Variants in DDX11 observed in about 807,000 individuals in gnomAD.
DDX11 encodes the protein DEAD/H-box helicase 11.
Under a neutral mutation model 125.2 loss-of-function variants are expected in DDX11, and 72 were observed. The ratio of observed to expected loss-of-function variants is 0.58; its 90% CI spans 0.48 to 0.70. The LOEUF is 0.70. Among genes scored for constraint, DDX11 ranks in the 30% least tolerant of loss-of-function variants. DDX11 has a pLI of 0.00. For synonymous variants in DDX11, 347 were observed against 452.6 expected (o/e 0.77, Z 2.96); for missense variants, 883 against 1,165.0 (o/e 0.76, Z 3.52).
chr12:31,099,832 T>A (rs1233748421), intron 18 of DDX11, among the ~76,000 whole-genome samples: 1 of 151,970 alleles, frequency 6.6e-6, no homozygotes, highest in Non-Finnish European at 1.5e-5. Context: ...CTCATCCCTT[T>A]CCAGCCCATT....
rs561751895 is a variant in DDX11 at position 31,101,630 on chromosome 12, A to G, written c.2053-203A>G. On this transcript the variant is annotated intron_variant, in intron 20 of 26. Coordinates refer to ENST00000542838, the MANE Select transcript of DDX11 (RefSeq NM_030653.4). Reference sequence around the variant, plus strand: ...TGACATGTGTCAGAAAGGCGCAGTCAGCAGCAGCGGCTGGGTGTGTTTGGT... The same window carrying G: ...TGACATGTGTCAGAAAGGCGCAGTCGGCAGCAGCGGCTGGGTGTGTTTGGT... 121 of 640,152 alleles carry G rather than the reference A, an allele frequency of 1.9e-4. No homozygotes were observed. The East Asian group carries it at 2.6e-3, about 14-fold the overall frequency. 39.7% of individuals were successfully genotyped at this position (640,152 alleles called of 1,614,324 possible).
At chr12:31,095,360 C>T (rs984178152) in intron 14 of DDX11, among the ~76,000 whole-genome samples, 6 of 152,206 alleles carry the variant, frequency 3.9e-5, no homozygotes, top group Admixed American at 6.5e-5. Flanking sequence ...GTGCTCTGAG[C>T]TAGGATATCC....
rs1014687004 is a variant in DDX11, at chr12:31,100,713, A to G, written c.1948+6A>G. The G allele has an allele frequency of 1.3e-6, 2 of 1,551,490 alleles. No homozygotes were observed. Among genetic ancestry groups the G allele is most frequent in the Non-Finnish European group, 1.7e-6 (2 of 1,146,864 alleles). ...CGTGGTGGAGTTTTCCTGTGGTGAG[A>G]AGCTGTGCCCAGGGTGGGGCAGGCT... On this transcript the variant is annotated splice_donor_region_variant and intron_variant, in intron 19 of 26. Transcript: ENST00000542838.
At position 31,096,840 on chromosome 12, in the gene DDX11, C is replaced by A; in HGVS notation, c.1631-19C>A. ...GACCTGACCAGAGGGAGGCCTCCTC[C>A]CCGTTCTGCTCTGTGCAGCTCTTGC... On this transcript the variant is annotated intron_variant, in intron 16 of 26. Coordinates refer to ENST00000542838, the MANE Select transcript of DDX11 (RefSeq NM_030653.4). The A allele has an allele frequency of 3.1e-6, 5 of 1,614,198 alleles. No homozygotes were observed. The highest frequency in any genetic ancestry group is 3.4e-6 in the Non-Finnish European group (4 of 1,180,036).
intron 17 of DDX11, 92 bp downstream of exon 17, chr12:31,097,082 C>T: frequency 1.9e-6 from 3 of 1,544,614 alleles, no homozygotes; most frequent in African/African-American, 1.4e-5. Context: ...TTCCTTCCAT[C>T]CTGGGAACTT....
intron 2 of DDX11, among the ~76,000 whole-genome samples, chr12:31,082,536 C>T (rs1942165960): frequency 6.6e-6 from 1 of 152,108 alleles, no homozygotes; most frequent in Admixed American, 6.6e-5. Flanking sequence ...AGGTGTTTCA[C>T]CCCGCCCTGG....
intron 16 of DDX11, 51 bp from the exon 17 acceptor site, chr12:31,096,808 A>G (rs780382531): frequency 1.2e-6 from 2 of 1,614,104 alleles, no homozygotes; most frequent in Admixed American, 1.7e-5. Context: ...TCTGTTCCTC[A>G]TGTGTGGACC....
rs1943767611 is a variant in DDX11, at chr12:31,089,417, TGAA to T, written c.810_812del (p.Glu270del). 1 of 1,613,874 alleles carries T rather than the reference TGAA, an allele frequency of 6.2e-7. No individual in the cohort carries two copies. Among genetic ancestry groups the T allele is most frequent in the South Asian group, 1.1e-5 (1 of 91,082 alleles). On this transcript the variant is annotated inframe_deletion, in exon 8 of 27. Transcript: ENST00000542838. ...CTTTGCTGCAGAACCTTTGTGTAAA[TGAA>T]GACGTGAAAAGCCTAGGTTCTGTGC...
intron 18 of DDX11, among the ~76,000 whole-genome samples, chr12:31,099,853 A>G (rs1349327919): frequency 6.6e-6 from 1 of 151,960 alleles, no homozygotes; most frequent in African/African-American, 2.4e-5. Context: ...CCCCACCCCC[A>G]TAGGGAATCC....
intron 14 of DDX11, 21 bp downstream of exon 14, chr12:31,094,843 A>G (rs776428185): frequency 3.1e-6 from 5 of 1,609,448 alleles, no homozygotes; most frequent in Non-Finnish European, 4.3e-6. Context: ...CCACCTTTCC[A>G]CATTCCACAT....
At chr12:31,091,451 G>A (rs554046027) in intron 9 of DDX11, 1 of 472,666 alleles carries the variant, frequency 2.1e-6, no homozygotes, top group Non-Finnish European at 3.9e-6. Flanking sequence ...TTGAGGACAT[G>A]GACAAGGCTA....
At chr12:31,090,181 G>A (rs1943956434) in intron 9 of DDX11, 87 bp downstream of exon 9, 1 of 1,185,818 alleles carries the variant, frequency 8.4e-7, no homozygotes, top group Admixed American at 2.0e-5. Context: ...CTGTAGTTTG[G>A]GGGATGCCCC....
rs200992641 is a variant in DDX11 at position 31,093,332 on chromosome 12, C to G, written c.1369+8C>G. ...TCGTGGCTGTGCTAGGGGGTGAGAG[C>G]CTCGTCCCCCTGCTGACCCCGGGCC... is the stretch of plus-strand genomic sequence containing the variant. On this transcript the variant is annotated splice_region_variant and intron_variant, in intron 12 of 26. Transcript: ENST00000542838. The G allele has an allele frequency of 6.2e-7, 1 of 1,613,670 alleles. No individual in the cohort carries two copies. Among genetic ancestry groups the G allele is most frequent in the African/African-American group, 1.3e-5 (1 of 74,884 alleles).
chr12:31,096,579 G>C, intron 15 of DDX11, 58 bp from the exon 16 acceptor site: 2 of 1,599,074 alleles, frequency 1.3e-6, no homozygotes. Flanking sequence ...GATCCACCCA[G>C]CCTCTCTCTC....
At position 31,102,975 on chromosome 12, in the gene DDX11, G is replaced by A. The variant is rs1446766710; in HGVS notation, c.2412G>A (p.Arg804=). 6.2e-7 allele frequency: 1 copy of A among 1,613,940 alleles called. No homozygotes were observed. Among genetic ancestry groups the A allele is most frequent in the Non-Finnish European group, 8.5e-7 (1 of 1,179,834 alleles). Residue 804 remains arginine, a synonymous_variant, in exon 24 of 27, where the codon AGG becomes AGA. Transcript: ENST00000542838. ...TGGGCATGCCCTTCCCCAACATCAG[G>A]TCTGCAGAGCTGCAGGAGAAGATGG... The part of the protein sequence containing the change: ...VMVGMPFPNI[R]SAELQEKMAY...
rs1430557241 is a variant in DDX11 at position 31,083,842 on chromosome 12, C to G, written c.174C>G (p.Ala58=). 1 of 1,612,194 alleles carries G rather than the reference C, an allele frequency of 6.2e-7. No homozygotes were observed. The highest frequency in any genetic ancestry group is 1.1e-5 in the South Asian group (1 of 90,990). The part of the protein sequence containing the change: ...TGKSLSLICG[A]LSWLRDFEQK... ...AGTCCTTAAGTCTTATTTGTGGGGC[C>G]CTCTCTTGGCTCCGTGACTTTGAAC... The change falls in exon 3 of 27, where the codon GCC becomes GCG. Residue 58 remains alanine (A), a synonymous_variant. Coordinates refer to ENST00000542838, the MANE Select transcript of DDX11 (RefSeq NM_030653.4).
intron 7 of DDX11, 25 bp from the exon 8 acceptor site, chr12:31,089,378 C>T (rs1392655150): frequency 1.2e-6 from 2 of 1,612,394 alleles, no homozygotes; most frequent in South Asian, 1.1e-5. Context: ...CATCTTTTTG[C>T]CTCTTTCTTT....
chr12:31,100,345 G>GT (rs1946154553), intron 18 of DDX11: 2 of 320,966 alleles, frequency 6.2e-6, no homozygotes, highest in African/African-American at 4.3e-5. Context: ...GCCTGGCCAT[G>GT]TGTATTTTTG....
Position 31,101,100 on chromosome 12 carries a change from C to A in DDX11, c.2022C>A (p.Phe674Leu). The A allele has an allele frequency of 6.2e-7, 1 of 1,614,202 alleles. No individual in the cohort carries two copies. The highest frequency in any genetic ancestry group is 8.5e-7 in the Non-Finnish European group (1 of 1,180,034). The change falls in exon 20 of 27, where the codon TTC (phenylalanine) becomes TTA (leucine). Residue 674 changes from phenylalanine to leucine, a missense_variant. Physicochemically the swap from Phe to Leu is conservative, Grantham distance 22. This residue lies in a region of DDX11 where 285 missense variants were observed against 346.0 expected (regional missense o/e 0.82). Transcript: ENST00000542838. ...CSGISNQPLE[F>L]TFQKRELPQM... ...GGATCTCCAACCAGCCGCTGGAATT[C>A]ACGTTCCAGAAAAGAGAGCTGCCTC...
Sources: allele counts gnomAD v4.1 joint callset (sites outside exome capture counted in the v4.1 genomes callset), GRCh38; gene constraint gnomAD v4.1.1; regional missense constraint gnomAD v4.1.1; transcripts MANE v1.5; gene names NCBI Gene and HGNC (gene_info 2026-07-23, HGNC 2026-07-21).